Variants in CNTN5 observed in about 807,000 individuals in gnomAD.
The protein encoded by CNTN5 is contactin-5.
A neutral mutation model predicts 129.1 loss-of-function variants in CNTN5; 77 were observed. That is an observed-to-expected ratio of 0.60 (90% CI 0.50 to 0.72). The LOEUF (loss-of-function observed/expected upper bound fraction) is 0.72, where lower values mean the gene tolerates loss of function less well. CNTN5 is among the 30% of genes least tolerant of loss of function. The probability of loss-of-function intolerance (pLI) is 0.00; values close to 1 mark genes in which losing one functional copy is unlikely to be tolerated. For missense variants in CNTN5, 1,478 were observed against 1,328.8 expected (o/e 1.11, Z -1.75); for synonymous variants, 509 against 465.6 (o/e 1.09, Z -1.20).
intron 3 of CNTN5, among the ~76,000 whole-genome samples, chr11:99,617,571 T>C (rs1295242664): frequency 6.6e-6 from 1 of 152,158 alleles, no homozygotes; most frequent in East Asian, 1.9e-4. Flanking sequence ...TAATCTCTTA[T>C]TTTCCTCAAT....
intron 4 of CNTN5, among the ~76,000 whole-genome samples, chr11:99,840,748 A>T (rs142378346): frequency 2.8e-4 from 42 of 152,254 alleles, no homozygotes; most frequent in African/African-American, 9.4e-4. Context: ...AGTTTAATTA[A>T]TTGGCTATCA....
chr11:100,206,317 T>C (rs1948911241), intron 15 of CNTN5, among the ~76,000 whole-genome samples: 1 of 152,078 alleles, frequency 6.6e-6, no homozygotes, highest in Non-Finnish European at 1.5e-5. Flanking sequence ...TAAATCCCAA[T>C]AATAAATAAT....
chr11:99,700,835 A>G (rs559586584), intron 3 of CNTN5, among the ~76,000 whole-genome samples: 9 of 151,332 alleles, frequency 5.9e-5, no homozygotes, highest in Middle Eastern at 3.4e-3. Context: ...GTGGGGGTGC[A>G]TGGAGGATAA....
chr11:100,127,869 CAGGCTGGT>C (rs1470450916), intron 13 of CNTN5, among the ~76,000 whole-genome samples: 6 of 151,810 alleles, frequency 4.0e-5, no homozygotes, highest in Non-Finnish European at 8.8e-5. Context: ...CCATCTTGGC[CAGGCTGGT>C]CTTGAACTCC....
chr11:100,238,736 TTTAAGA>T (rs1202985339), intron 16 of CNTN5, among the ~76,000 whole-genome samples: 9 of 152,204 alleles, frequency 5.9e-5, no homozygotes, highest in African/African-American at 2.2e-4. Context: ...GTCCCTTATC[TTTAAGA>T]TTAAATAGCT....
chr11:99,686,262 G>T (rs185420892), intron 3 of CNTN5, among the ~76,000 whole-genome samples: 1 of 151,998 alleles, frequency 6.6e-6, no homozygotes. Flanking sequence ...TGCTTATTTA[G>T]AGTCATTTTT....
intron 3 of CNTN5, among the ~76,000 whole-genome samples, chr11:99,784,966 A>AT (rs1945463579): frequency 1.3e-5 from 2 of 151,446 alleles, no homozygotes; most frequent in South Asian, 4.2e-4. Flanking sequence ...CACCTGGCTA[A>AT]TTTTTTGTAT....
At chr11:99,776,793 A>C (rs1397870334) in intron 3 of CNTN5, among the ~76,000 whole-genome samples, 2 of 151,838 alleles carry the variant, frequency 1.3e-5, no homozygotes, top group South Asian at 4.1e-4. Flanking sequence ...TGACAATTAA[A>C]AAAAAAACTA....
chr11:99,221,304 T>G (rs547752154), intron 1 of CNTN5, among the ~76,000 whole-genome samples: 2 of 152,088 alleles, frequency 1.3e-5, no homozygotes, highest in Non-Finnish European at 2.9e-5. Context: ...TCTGAGGAAA[T>G]AATTGGATTT....
At chr11:99,031,354 C>G (rs570924608) in intron 1 of CNTN5, among the ~76,000 whole-genome samples, 1 of 151,538 alleles carries the variant, frequency 6.6e-6, no homozygotes, top group African/African-American at 2.4e-5. Flanking sequence ...TCCTTTATAC[C>G]CGTGCAATAA....
chr11:100,207,000 G>A (rs73561218), intron 15 of CNTN5, among the ~76,000 whole-genome samples: 1,536 of 152,020 alleles, frequency 0.01, 31 homozygotes, highest in African/African-American at 0.036. Flanking sequence ...ATCAATGTCA[G>A]GAAAAATGTG....
intron 2 of CNTN5, among the ~76,000 whole-genome samples, chr11:99,486,279 T>C (rs1945808320): frequency 6.6e-6 from 1 of 152,122 alleles, no homozygotes; most frequent in Non-Finnish European, 1.5e-5. Context: ...CTGCCATGAT[T>C]ATATAATAAT....
chr11:100,294,995 C>G (rs868131764), intron 18 of CNTN5, among the ~76,000 whole-genome samples: 1 of 151,762 alleles, frequency 6.6e-6, no homozygotes, highest in Middle Eastern at 3.4e-3. Context: ...CCCATGACAA[C>G]AAAACACTGC....
intron 3 of CNTN5, among the ~76,000 whole-genome samples, chr11:99,644,980 T>G (rs1236062162): frequency 6.6e-6 from 1 of 151,414 alleles, no homozygotes; most frequent in Admixed American, 6.6e-5. Flanking sequence ...AAAAAAAAAT[T>G]TTGAGGTCAG....
At chr11:99,678,914 A>ACTGT (rs1225961567) in intron 3 of CNTN5, among the ~76,000 whole-genome samples, 1 of 150,574 alleles carries the variant, frequency 6.6e-6, no homozygotes, top group Non-Finnish European at 1.5e-5. Flanking sequence ...CATTCCAACC[A>ACTGT]CTGTCTCTTT....
intron 3 of CNTN5, among the ~76,000 whole-genome samples, chr11:99,668,357 G>C (rs545592753): frequency 6.6e-6 from 1 of 152,268 alleles, no homozygotes; most frequent in African/African-American, 2.4e-5. Context: ...CAGCAGCAAA[G>C]AGGGACTCAG....
At chr11:99,334,530 C>T (rs374292623) in intron 2 of CNTN5, among the ~76,000 whole-genome samples, 34 of 152,188 alleles carry the variant, frequency 2.2e-4, no homozygotes, top group African/African-American at 7.7e-4. Flanking sequence ...TTTACATACA[C>T]ACACAGACAC....
intron 1 of CNTN5, among the ~76,000 whole-genome samples, chr11:99,034,917 A>G (rs1319461717): frequency 6.7e-6 from 1 of 149,792 alleles, no homozygotes; most frequent in Non-Finnish European, 1.5e-5. Context: ...AGTGCTATAA[A>G]TTTCCCTGTA....
intron 1 of CNTN5, among the ~76,000 whole-genome samples, chr11:99,157,821 T>C (rs1860408713): frequency 6.6e-6 from 1 of 152,092 alleles, no homozygotes; most frequent in Admixed American, 6.6e-5. Context: ...GAAAAACAAA[T>C]TCCTGGTTTC....
Sources: gnomAD v4.1 joint callset for allele counts (sites outside exome capture counted in the v4.1 genomes callset) on GRCh38, gnomAD v4.1.1 for gene constraint, MANE v1.5 for transcripts, NCBI Gene and HGNC (gene_info 2026-07-23, HGNC 2026-07-21) for gene names.